The following KIAA0930 variants were observed in gnomAD, a reference collection of about 807,000 sequenced individuals.
The protein encoded by KIAA0930 is uncharacterized protein KIAA0930.
KIAA0930 carries 24 observed loss-of-function variants against 43.9 expected under a neutral mutation model. The observed-to-expected ratio is 0.55, with a 90% CI of 0.40 to 0.77. The LOEUF is 0.77. KIAA0930 is among the 30% of genes least tolerant of loss of function. The pLI is 0.00. For synonymous variants in KIAA0930, 259 were observed against 216.4 expected (o/e 1.20, Z -1.73); for missense variants, 461 against 574.2 (o/e 0.80, Z 2.02).
At chr22:45,208,018 G>A (rs954318006) in intron 2 of KIAA0930, among the ~76,000 whole-genome samples, 21 of 152,156 alleles carry the variant, frequency 1.4e-4, no homozygotes, top group African/African-American at 4.6e-4. Flanking sequence ...ACGATCACAC[G>A]GCTGTTCGGG....
intron 1 of KIAA0930, among the ~76,000 whole-genome samples, chr22:45,229,842 T>C (rs5765223): frequency 0.44 from 66,631 of 152,110 alleles, 15,652 homozygotes; most frequent in East Asian, 0.69. Flanking sequence ...GCCTGTAATC[T>C]CAACACTTTG....
intron 1 of KIAA0930, among the ~76,000 whole-genome samples, chr22:45,214,132 G>A (rs929625268): frequency 2.8e-4 from 42 of 152,276 alleles, no homozygotes; most frequent in Admixed American, 1.7e-3. Flanking sequence ...AACCAAGATC[G>A]TGCCACTGCA....
At chr22:45,210,318 C>T (rs552564987) in intron 2 of KIAA0930, among the ~76,000 whole-genome samples, 4 of 152,286 alleles carry the variant, frequency 2.6e-5, no homozygotes, top group South Asian at 2.1e-4. Flanking sequence ...CCTGAGCCTC[C>T]GAGTTCCGGT....
chr22:45,210,586 C>T (rs1042880611), intron 2 of KIAA0930, among the ~76,000 whole-genome samples: 2 of 152,158 alleles, frequency 1.3e-5, no homozygotes, highest in African/African-American at 4.8e-5. Context: ...ATATGGTAAA[C>T]CAGGGAAAAA....
intron 4 of KIAA0930, 147 bp from the exon 5 acceptor site, chr22:45,205,465 C>A: frequency 1.1e-6 from 1 of 915,112 alleles, no homozygotes. Flanking sequence ...TAAGCTGGTT[C>A]TGTGCTCCTC....
chr22:45,212,822 G>A (rs1182174293), intron 1 of KIAA0930, among the ~76,000 whole-genome samples: 1 of 152,244 alleles, frequency 6.6e-6, no homozygotes, highest in Non-Finnish European at 1.5e-5. Flanking sequence ...GCTGGTGATG[G>A]GACAATGGGC....
At chr22:45,240,033 A>AATC (rs2083907306) in intron 1 of KIAA0930, among the ~76,000 whole-genome samples, 1 of 151,898 alleles carries the variant, frequency 6.6e-6, no homozygotes. Context: ...TAAAGCCCAG[A>AATC]ATCACACCGA....
rs527494098 is a variant in KIAA0930 at position 45,208,554 on chromosome 22, A to G, written c.217-2642T>C. Reference sequence around the variant, plus strand: ...TGCAGGAGCTGTGAGAACAGGCAGAACCCGCCCGGGAAGTTTGAGGAGACA... The same window carrying G: ...TGCAGGAGCTGTGAGAACAGGCAGAGCCCGCCCGGGAAGTTTGAGGAGACA... On this transcript the variant is annotated intron_variant, in intron 2 of 9. Coordinates refer to ENST00000336156, the MANE Select transcript of KIAA0930 (RefSeq NM_001009880.2). 1.8e-4 allele frequency among the ~76,000 whole-genome samples: 27 copies of G among 152,262 alleles called. No homozygotes were observed. In the South Asian group the frequency reaches 5.4e-3, roughly 30 times the overall value.
chr22:45,205,536 G>C, intron 4 of KIAA0930, 94 bp downstream of exon 4: 1 of 1,248,964 alleles, frequency 8.0e-7, no homozygotes, highest in Non-Finnish European at 1.2e-6. Context: ...CTCACCTCCA[G>C]GGCAGAGAAG....
chr22:45,233,125 G>C (rs539547443), intron 1 of KIAA0930, among the ~76,000 whole-genome samples: 1 of 152,188 alleles, frequency 6.6e-6, no homozygotes, highest in Admixed American at 6.5e-5. Flanking sequence ...TGGGGGCAGG[G>C]GTGGTAAACA....
chr22:45,199,750 C>A (rs915010892), intron 8 of KIAA0930, 123 bp downstream of exon 8: 1 of 1,048,578 alleles, frequency 9.5e-7, no homozygotes, highest in Non-Finnish European at 1.3e-6. Context: ...TGGCACATGG[C>A]ACCCACTCTC....
chr22:45,223,587 G>C (rs2083780292), intron 1 of KIAA0930, among the ~76,000 whole-genome samples: 1 of 152,102 alleles, frequency 6.6e-6, no homozygotes, highest in Non-Finnish European at 1.5e-5. Context: ...CACCAGATAA[G>C]CACCCAGGGT....
chr22:45,197,072 C>G lies in KIAA0930; in HGVS notation c.*104G>C. 1 of 1,003,612 alleles carries G rather than the reference C, an allele frequency of 1.0e-6. No individual in the cohort carries two copies. Among genetic ancestry groups the G allele is most frequent in the Non-Finnish European group, 1.4e-6 (1 of 709,746 alleles). 62.2% of individuals were successfully genotyped at this position (1,003,612 alleles called of 1,614,324 possible). On this transcript the variant is annotated 3_prime_UTR_variant, in exon 10 of 10. Transcript: ENST00000336156. Reference sequence around the variant, plus strand: ...TGGCCTCGCCTGGCTGCGGCTCCAGCACTGGCGTGCCATCGCAGACCCCGG... The same window carrying G: ...TGGCCTCGCCTGGCTGCGGCTCCAGGACTGGCGTGCCATCGCAGACCCCGG...
At chr22:45,205,533 C>T in intron 4 of KIAA0930, 97 bp downstream of exon 4, 1 of 1,232,714 alleles carries the variant, frequency 8.1e-7, no homozygotes, top group Non-Finnish European at 1.2e-6. Flanking sequence ...CCCCTCACCT[C>T]CAGGGCAGAG....
rs529738299 is a variant in KIAA0930 at position 45,196,361 on chromosome 22, C to T, written c.*815G>A. ...AGAACCTTCCTGGGAGGATGCCAGCCCCACCCCACATCAGACACCCTTTGG... is the reference window on the plus strand; with the variant it reads ...AGAACCTTCCTGGGAGGATGCCAGCTCCACCCCACATCAGACACCCTTTGG... On this transcript the variant is annotated 3_prime_UTR_variant, in exon 10 of 10. Transcript: ENST00000336156. This position sits in a 1 kb window ranked among gnomAD's most constrained non-coding sequence, Gnocchi z 4.1. 6.5e-6 allele frequency: 1 copy of T among 152,788 alleles called. No homozygotes were observed. The highest frequency in any genetic ancestry group is 2.1e-4 in the South Asian group (1 of 4,824). The allele number at this position is 152,788 out of a possible 1,614,324, so 9.5% of individuals were successfully genotyped here.
intron 1 of KIAA0930, among the ~76,000 whole-genome samples, chr22:45,228,780 CCAA>C (rs2083822505): frequency 1.5e-4 from 12 of 82,402 alleles, no homozygotes; most frequent in African/African-American, 5.9e-4. Flanking sequence ...CCCATCCCCC[CCAA>C]CCACCAAACA....
intron 1 of KIAA0930, among the ~76,000 whole-genome samples, chr22:45,214,806 G>A (rs1032540322): frequency 2.0e-5 from 3 of 152,188 alleles, no homozygotes; most frequent in African/African-American, 7.2e-5. Flanking sequence ...CTACCAGGGA[G>A]GCTGAGGTGG....
At chr22:45,200,450 C>A (rs2147735505) in intron 7 of KIAA0930, among the ~76,000 whole-genome samples, 1 of 152,250 alleles carries the variant, frequency 6.6e-6, no homozygotes, top group Non-Finnish European at 1.5e-5. Context: ...CCATCTGACA[C>A]ATGGGGAAAC....
At chr22:45,202,795 CA>C in intron 7 of KIAA0930, 194 bp downstream of exon 7, 2 of 525,370 alleles carry the variant, frequency 3.8e-6, no homozygotes, top group Non-Finnish European at 6.6e-6. Flanking sequence ...TCCCCTGCGG[CA>C]GTGCCTCCTA....
Sources: allele counts gnomAD v4.1 joint callset (sites outside exome capture counted in the v4.1 genomes callset), GRCh38; gene constraint gnomAD v4.1.1; non-coding constraint Gnocchi (gnomAD v3.1); transcripts MANE v1.5; gene names NCBI Gene and HGNC (gene_info 2026-07-23, HGNC 2026-07-21).